The following NKAIN2 variants were observed in gnomAD, a reference collection of about 807,000 sequenced individuals.
NKAIN2 encodes sodium/potassium-transporting ATPase subunit beta-1-interacting protein 2.
Under a neutral mutation model 32.6 loss-of-function variants are expected in NKAIN2, and 14 were observed. The observed-to-expected ratio is 0.43, with a 90% CI of 0.28 to 0.67. NKAIN2 has a LOEUF of 0.67. Among genes scored for constraint, NKAIN2 ranks in the 30% least tolerant of loss-of-function variants. The pLI is 0.17. For synonymous variants in NKAIN2, 80 were observed against 87.2 expected (o/e 0.92, Z 0.46); for missense variants, 198 against 258.3 (o/e 0.77, Z 1.60).
At chr6:124,664,590 C>G (rs1026678285) in intron 4 of NKAIN2, among the ~76,000 whole-genome samples, 5 of 150,524 alleles carry the variant, frequency 3.3e-5, no homozygotes, top group Non-Finnish European at 7.4e-5. Flanking sequence ...GTCAGGAGAT[C>G]GAGACCATCC....
chr6:124,386,032 C>CA lies in NKAIN2; in HGVS notation c.273+30685_273+30686insA, dbSNP rs375112820. On this transcript the variant is annotated intron_variant, in intron 3 of 6. Coordinates refer to ENST00000368417, the MANE Select transcript of NKAIN2 (RefSeq NM_001040214.3). ...TGGGAATATAATCAGTCAATGCAGTCTTTTTTACATTATTAATTGAAGAAA... is the reference window on the plus strand; with the variant it reads ...TGGGAATATAATCAGTCAATGCAGTCATTTTTTACATTATTAATTGAAGAAA... 3.6e-3 allele frequency among the ~76,000 whole-genome samples: 548 copies of CA among 152,146 alleles called. 1 individual carries two copies. Among genetic ancestry groups the CA allele is most frequent in the African/African-American group, 0.012 (510 of 41,502 alleles).
At chr6:123,850,323 A>G (rs540155413) in intron 1 of NKAIN2, among the ~76,000 whole-genome samples, 2 of 143,906 alleles carry the variant, frequency 1.4e-5, no homozygotes, top group Non-Finnish European at 1.5e-5. Flanking sequence ...TAACTGGCTG[A>G]TAACACTTGC....
intron 4 of NKAIN2, among the ~76,000 whole-genome samples, chr6:124,701,765 TTTTTGGAACTAC>T (rs1774805274): frequency 1.3e-5 from 2 of 152,158 alleles, no homozygotes; most frequent in Admixed American, 1.3e-4. Flanking sequence ...ACCTAGAAAT[TTTTTGGAACTAC>T]TTTTGGTCAG....
chr6:123,873,882 A>T (rs879794220), intron 1 of NKAIN2, among the ~76,000 whole-genome samples: 4 of 152,204 alleles, frequency 2.6e-5, no homozygotes, highest in Non-Finnish European at 4.4e-5. Flanking sequence ...CACGCTGTTC[A>T]TTCAGACCTT....
Position 124,283,083 on chromosome 6 carries a change from A to G in NKAIN2, c.133A>G (p.Ile45Val), listed in dbSNP as rs771269791. ...TATCCTGGCAAATTTTGTACATATT[A>G]TTATCGTCATTCTTGGTTTGTTTGG... is the stretch of plus-strand genomic sequence containing the variant. Reference protein sequence around the residue: ...APILANFVHIIIVILGLFGTI... With the variant: ...APILANFVHIVIVILGLFGTI... Residue 45 changes from isoleucine (I) to valine (V), a missense_variant, in exon 2 of 7, where the codon ATT becomes GTT. By Grantham distance (29) the Ile-to-Val change is conservative (BLOSUM62 3). Transcript: ENST00000368417. 3.1e-6 allele frequency: 5 copies of G among 1,610,020 alleles called. No homozygotes were observed. In the African/African-American group the frequency reaches 6.7e-5, roughly 22 times the overall value.
At chr6:123,847,981 A>G (rs1775162169) in intron 1 of NKAIN2, among the ~76,000 whole-genome samples, 1 of 152,158 alleles carries the variant, frequency 6.6e-6, no homozygotes, top group African/African-American at 2.4e-5. Flanking sequence ...ATCAAGCAGC[A>G]GCGTTCTAGC....
intron 3 of NKAIN2, among the ~76,000 whole-genome samples, chr6:124,515,183 C>G (rs1778857496): frequency 6.6e-6 from 1 of 152,044 alleles, no homozygotes; most frequent in Admixed American, 6.6e-5. Flanking sequence ...AAACCATGCC[C>G]TCTGTACTTT....
At chr6:123,924,943 CAT>C (rs1775937483) in intron 1 of NKAIN2, among the ~76,000 whole-genome samples, 1 of 151,820 alleles carries the variant, frequency 6.6e-6, no homozygotes, top group South Asian at 2.1e-4. Context: ...TGTTTGGTTA[CAT>C]GTTTGAATAA....
intron 3 of NKAIN2, among the ~76,000 whole-genome samples, chr6:124,481,503 A>G (rs1439456479): frequency 6.6e-6 from 1 of 152,140 alleles, no homozygotes; most frequent in Non-Finnish European, 1.5e-5. Context: ...ATTCACTTTA[A>G]TCTATGACAG....
intron 3 of NKAIN2, among the ~76,000 whole-genome samples, chr6:124,472,827 A>AAT (rs1366555588): frequency 6.6e-6 from 1 of 152,012 alleles, no homozygotes; most frequent in Non-Finnish European, 1.5e-5. Flanking sequence ...CATAATTCTA[A>AAT]ATATATATAC....
intron 1 of NKAIN2, among the ~76,000 whole-genome samples, chr6:124,017,716 A>G (rs2114751501): frequency 6.6e-6 from 1 of 152,266 alleles, no homozygotes; most frequent in Non-Finnish European, 1.5e-5. Context: ...TGCTGATGCA[A>G]GAGGTGGGCT....
intron 1 of NKAIN2, among the ~76,000 whole-genome samples, chr6:123,908,029 T>A (rs61300649): frequency 0.011 from 1,637 of 152,264 alleles, 25 homozygotes; most frequent in African/African-American, 0.037. Context: ...GTTTCAGTGA[T>A]GAGAAGGTGT....
chr6:124,477,870 A>G (rs1347980887), intron 3 of NKAIN2, among the ~76,000 whole-genome samples: 2 of 142,774 alleles, frequency 1.4e-5, no homozygotes, highest in Non-Finnish European at 3.0e-5. Flanking sequence ...CTCTCTCTCA[A>G]TGTTTGGGAA....
chr6:124,123,004 A>G (rs1384207173), intron 1 of NKAIN2, among the ~76,000 whole-genome samples: 2 of 152,202 alleles, frequency 1.3e-5, no homozygotes, highest in Admixed American at 6.6e-5. Context: ...TATCTGTAGT[A>G]TAAATCATTT....
intron 2 of NKAIN2, among the ~76,000 whole-genome samples, chr6:124,342,879 G>A (rs548258912): frequency 2.2e-4 from 32 of 148,522 alleles, no homozygotes; most frequent in Non-Finnish European, 4.4e-4. Flanking sequence ...TGTGCACAAT[G>A]TGCCAGTTAG....
intron 1 of NKAIN2, among the ~76,000 whole-genome samples, chr6:124,115,284 T>A (rs541449068): frequency 6.6e-6 from 1 of 150,872 alleles, no homozygotes; most frequent in South Asian, 2.1e-4. Flanking sequence ...ACATGGTTAG[T>A]CCTTATCTGT....
At chr6:124,640,464 T>G (rs1783943350) in intron 3 of NKAIN2, among the ~76,000 whole-genome samples, 1 of 152,128 alleles carries the variant, frequency 6.6e-6, no homozygotes, top group Non-Finnish European at 1.5e-5. Flanking sequence ...TGCAGCTAAC[T>G]TTTCAAAGCT....
intron 1 of NKAIN2, among the ~76,000 whole-genome samples, chr6:124,243,692 T>G (rs537879752): frequency 5.3e-5 from 8 of 152,062 alleles, no homozygotes; most frequent in Non-Finnish European, 1.0e-4. Context: ...TCCTCAGTAT[T>G]TATTTGGTTT....
intron 1 of NKAIN2, among the ~76,000 whole-genome samples, chr6:123,868,020 C>A (rs1024661020): frequency 2.0e-5 from 3 of 152,086 alleles, no homozygotes; most frequent in African/African-American, 7.2e-5. Context: ...AGGCGCACAC[C>A]ACCACACCCG....
Sources: gnomAD v4.1 joint callset for allele counts (sites outside exome capture counted in the v4.1 genomes callset) on GRCh38, gnomAD v4.1.1 for gene constraint, MANE v1.5 for transcripts, NCBI Gene and HGNC (gene_info 2026-07-23, HGNC 2026-07-21) for gene names.